Variants in SRGAP1 observed in about 807,000 individuals in gnomAD.
The protein encoded by SRGAP1 is SLIT-ROBO Rho GTPase-activating protein 1.
Under a neutral mutation model 121.9 loss-of-function variants are expected in SRGAP1, and 43 were observed. That is an observed-to-expected ratio of 0.35 (90% confidence interval 0.28 to 0.46). SRGAP1 has a LOEUF of 0.46. SRGAP1 is among the 20% of genes least tolerant of loss of function. SRGAP1 has a pLI of 1.00. For missense variants in SRGAP1, 1,102 were observed against 1,350.9 expected, an observed-to-expected ratio of 0.82 and a Z score of 2.89; for synonymous variants, 447 against 485.4, an observed-to-expected ratio of 0.92 and a Z score of 1.04.
chr12:63,955,912 TA>T (rs770039330), intron 1 of SRGAP1, among the ~76,000 whole-genome samples: 22 of 152,350 alleles, frequency 1.4e-4, no homozygotes, highest in Non-Finnish European at 2.4e-4. Flanking sequence ...GTTCTGATTA[TA>T]AATCACTTCC....
intron 1 of SRGAP1, among the ~76,000 whole-genome samples, chr12:63,976,168 G>A (rs374522221): frequency 6.6e-6 from 1 of 152,086 alleles, no homozygotes; most frequent in East Asian, 1.9e-4. Flanking sequence ...TAGTAAGGAC[G>A]CCAGGTGGTT....
chr12:64,031,554 A>G (rs2034780905), intron 4 of SRGAP1, among the ~76,000 whole-genome samples: 1 of 152,160 alleles, frequency 6.6e-6, no homozygotes, highest in African/African-American at 2.4e-5. Context: ...CAGTCTCTGC[A>G]TGGGAGACTG....
intron 8 of SRGAP1, among the ~76,000 whole-genome samples, chr12:64,077,748 C>T (rs2035764341): frequency 6.6e-6 from 1 of 151,802 alleles, no homozygotes; most frequent in Non-Finnish European, 1.5e-5. Context: ...ACACAAAAAA[C>T]ACTAAAAGGA....
intron 3 of SRGAP1, among the ~76,000 whole-genome samples, chr12:64,011,755 C>T (rs889863873): frequency 4.0e-5 from 6 of 151,860 alleles, no homozygotes; most frequent in African/African-American, 4.8e-5. Context: ...AAAAATGTAT[C>T]GTAACTTAAA....
intron 2 of SRGAP1, among the ~76,000 whole-genome samples, chr12:63,989,386 T>C (rs888099987): frequency 6.6e-6 from 1 of 152,094 alleles, no homozygotes; most frequent in Non-Finnish European, 1.5e-5. Context: ...CCAGGAATAG[T>C]TTTTGGGAGA....
chr12:63,886,772 A>G (rs184670175), intron 1 of SRGAP1, among the ~76,000 whole-genome samples: 132 of 151,098 alleles, frequency 8.7e-4, no homozygotes, highest in African/African-American at 3.0e-3. Flanking sequence ...CGTCTGGCCA[A>G]AACACATTTA....
intron 1 of SRGAP1, among the ~76,000 whole-genome samples, chr12:63,908,472 C>A (rs527693384): frequency 5.8e-4 from 88 of 152,266 alleles, no homozygotes; most frequent in African/African-American, 1.8e-3. Context: ...TCACTGCAAC[C>A]TCTGCCTCCC....
At chr12:64,056,881 A>G (rs923637602) in intron 6 of SRGAP1, among the ~76,000 whole-genome samples, 1 of 152,108 alleles carries the variant, frequency 6.6e-6, no homozygotes, top group Non-Finnish European at 1.5e-5. Context: ...CAGCTGCCCT[A>G]TATAAAAGGA....
In SRGAP1 at chr12:64,159,510, G is replaced by A. The variant is rs750193603; in HGVS notation, c.*16838G>A. 3.9e-5 allele frequency: 6 copies of A among 154,628 alleles called. No homozygotes were observed. The highest frequency in any genetic ancestry group is 7.2e-5 in the African/African-American group (3 of 41,478). The allele number at this position is 154,628 out of a possible 1,614,324, so 9.6% of individuals were successfully genotyped here. On this transcript the variant is annotated 3_prime_UTR_variant, in exon 22 of 22. Transcript: ENST00000355086. ...AAACAGTAGCTGGTTGTGGTGGTGTGTGACTGTGATCCCAGCTACTTGGGA... is the reference window on the plus strand; with the variant it reads ...AAACAGTAGCTGGTTGTGGTGGTGTATGACTGTGATCCCAGCTACTTGGGA...
At chr12:63,961,873 C>T (rs1222646974) in intron 1 of SRGAP1, among the ~76,000 whole-genome samples, 2 of 151,988 alleles carry the variant, frequency 1.3e-5, no homozygotes, top group African/African-American at 2.4e-5. Flanking sequence ...TGACGGAGGT[C>T]GGGGGCTGGT....
intron 18 of SRGAP1, among the ~76,000 whole-genome samples, chr12:64,118,677 A>T (rs1000349203): frequency 1.1e-4 from 17 of 151,928 alleles, no homozygotes; most frequent in African/African-American, 4.1e-4. Context: ...TTTAAAATAT[A>T]CCTGTTGGCT....
chr12:64,135,931 A>C (rs895037757), intron 21 of SRGAP1, among the ~76,000 whole-genome samples: 1 of 152,248 alleles, frequency 6.6e-6, no homozygotes, highest in Non-Finnish European at 1.5e-5. Flanking sequence ...AGTCGGTCCA[A>C]GTTCCAAAAC....
intron 4 of SRGAP1, among the ~76,000 whole-genome samples, chr12:64,022,363 A>G (rs532219450): frequency 1.3e-5 from 2 of 152,160 alleles, no homozygotes; most frequent in African/African-American, 4.8e-5. Flanking sequence ...GAAAAGACCA[A>G]TGTTCCAGCT....
chr12:63,934,323 G>A (rs1046596558), intron 1 of SRGAP1, among the ~76,000 whole-genome samples: 2 of 152,110 alleles, frequency 1.3e-5, no homozygotes, highest in African/African-American at 4.8e-5. Context: ...CGTACTGCCA[G>A]CTGCTTTTGA....
chr12:64,129,784 A>G (rs1296026633), intron 21 of SRGAP1, among the ~76,000 whole-genome samples: 2 of 152,270 alleles, frequency 1.3e-5, no homozygotes, highest in Non-Finnish European at 2.9e-5. Flanking sequence ...TGCTAAAGGA[A>G]AAAGGAAATA....
At chr12:64,095,611 C>G (rs2036141810) in intron 14 of SRGAP1, among the ~76,000 whole-genome samples, 1 of 152,134 alleles carries the variant, frequency 6.6e-6, no homozygotes, top group Non-Finnish European at 1.5e-5. Context: ...CAGACTCCTT[C>G]CCTGTGACCC....
chr12:63,848,693 C>T (rs1433674005), intron 1 of SRGAP1, among the ~76,000 whole-genome samples: 2 of 152,138 alleles, frequency 1.3e-5, no homozygotes, highest in African/African-American at 4.8e-5. Context: ...TACAAGCGTG[C>T]ACCACCATGC....
intron 1 of SRGAP1, among the ~76,000 whole-genome samples, chr12:63,924,264 A>G (rs1293917302): frequency 6.6e-6 from 1 of 152,238 alleles, no homozygotes; most frequent in Non-Finnish European, 1.5e-5. Flanking sequence ...TCAAGTTATT[A>G]GACCCTTTGA....
chr12:64,097,917 A>T (rs1241305563), intron 15 of SRGAP1, among the ~76,000 whole-genome samples: 1 of 152,228 alleles, frequency 6.6e-6, no homozygotes, highest in African/African-American at 2.4e-5. Context: ...ACCGATAATC[A>T]TTGGCAAAGT....
Sources: gnomAD v4.1 joint callset for allele counts (sites outside exome capture counted in the v4.1 genomes callset) on GRCh38, gnomAD v4.1.1 for gene constraint, MANE v1.5 for transcripts, NCBI Gene and HGNC (gene_info 2026-07-23, HGNC 2026-07-21) for gene names.